SYTL4: variants seen among roughly 807,000 people sequenced by gnomAD.
SYTL4 encodes the protein synaptotagmin-like protein 4.
A neutral mutation model predicts 52.7 loss-of-function variants in SYTL4; 16 were observed. The observed-to-expected ratio is 0.30, with a 90% confidence interval of 0.21 to 0.46. The LOEUF is 0.46. Ranked by LOEUF, SYTL4 falls within the 20% of genes least tolerant of loss-of-function variation. The pLI is 1.00. For missense variants in SYTL4, 423 were observed against 519.9 expected, an observed-to-expected ratio of 0.81 and a Z score of 1.81; for synonymous variants, 160 against 186.6, an observed-to-expected ratio of 0.86 and a Z score of 1.16.
In SYTL4 at chrX:100,690,097, G is replaced by A; in HGVS notation, c.786C>T (p.Thr262=). Reference sequence around the variant, plus strand: ...TACCTGAAGGCCTGAGGATTTTTCTGGTGTTCTTCTTAAATATCATCTCAC... The same window carrying A: ...TACCTGAAGGCCTGAGGATTTTTCTAGTGTTCTTCTTAAATATCATCTCAC... ...DEGEMIFKKN[T]RKILRPSEYT... is the part of the protein sequence containing the mutation. Residue 262 remains threonine (T), a synonymous_variant, in exon 11 of 20, where the codon ACC becomes ACT. Transcript: ENST00000372989. The A allele has an allele frequency of 8.3e-7, 1 of 1,210,066 alleles. No homozygotes were observed. The highest frequency in any genetic ancestry group is 1.8e-5 in the South Asian group (1 of 56,785).
chrX:100,716,739 T>C (rs1411649981), intron 2 of SYTL4, among the ~76,000 whole-genome samples: 3 of 110,343 alleles, frequency 2.7e-5, no homozygotes, highest in African/African-American at 6.6e-5. Flanking sequence ...CTTTGGGATA[T>C]TGTGTTGGTT....
At chrX:100,710,862 A>C (rs138047123) in intron 2 of SYTL4, among the ~76,000 whole-genome samples, 2,467 of 112,073 alleles carry the variant, frequency 0.022, 79 homozygotes, top group African/African-American at 0.075. Context: ...AGAAAGAGAA[A>C]GAGATCTTCA....
chrX:100,679,791 C>T lies in SYTL4; in HGVS notation c.1559-379G>A, dbSNP rs60707135. On this transcript the variant is annotated intron_variant, in intron 17 of 19. Transcript: ENST00000372989. ...ATGATTTAAAAAAGAGGGAACTCCT[C>T]CATCTGAGTTCTCGATTCCACCCCT... Among the ~76,000 whole-genome samples, 1,104 of 111,625 alleles carry T rather than the reference C, an allele frequency of 9.9e-3. 13 individuals carry two copies. Among genetic ancestry groups the T allele is most frequent in the African/African-American group, 0.034 (1,051 of 30,725 alleles).
chrX:100,713,533 T>G (rs1393899429), intron 2 of SYTL4, among the ~76,000 whole-genome samples: 2 of 110,586 alleles, frequency 1.8e-5, no homozygotes, highest in Admixed American at 9.6e-5. Flanking sequence ...GGAGAATCGC[T>G]TGAACCTGGG....
intron 2 of SYTL4, among the ~76,000 whole-genome samples, chrX:100,730,148 G>A (rs1464952257): frequency 1.8e-5 from 2 of 110,725 alleles, no homozygotes; most frequent in Non-Finnish European, 3.8e-5. Flanking sequence ...CCTAACTTCA[G>A]GACAATTACC....
intron 2 of SYTL4, among the ~76,000 whole-genome samples, chrX:100,726,015 T>C (rs1395691300): frequency 9.1e-6 from 1 of 110,289 alleles, no homozygotes; most frequent in Non-Finnish European, 1.9e-5. Context: ...CAGATATGAA[T>C]ATGAAAGCCA....
Position 100,695,948 on chromosome X carries a change from A to T in SYTL4, c.540-4739T>A, listed in dbSNP as rs146671007. Among the ~76,000 whole-genome samples the T allele has an allele frequency of 8.9e-3, 991 of 111,424 alleles. 5 individuals are homozygous for T. Among genetic ancestry groups the T allele is most frequent in the Non-Finnish European group, 0.016 (827 of 53,040 alleles). ...ATACAAACAGAACCATACAGTATGT[A>T]CTCTTTACTGCTTGGCTTCTTTCAC... On this transcript the variant is annotated intron_variant, in intron 8 of 19. Transcript: ENST00000372989.
chrX:100,728,917 GT>G (rs767171602), intron 2 of SYTL4, among the ~76,000 whole-genome samples: 11 of 109,819 alleles, frequency 1.0e-4, no homozygotes, highest in Non-Finnish European at 1.9e-4. Context: ...GGCGCCTGTA[GT>G]TCCAGCTACT....
intron 2 of SYTL4, among the ~76,000 whole-genome samples, chrX:100,726,011 T>C (rs1052296517): frequency 9.1e-6 from 1 of 110,419 alleles, no homozygotes; most frequent in African/African-American, 3.3e-5. Flanking sequence ...GTCACAGATA[T>C]GAATATGAAA....
intron 13 of SYTL4, 146 bp downstream of exon 13, chrX:100,688,205 T>C: frequency 6.3e-6 from 3 of 477,736 alleles, no homozygotes; most frequent in Non-Finnish European, 1.1e-5. Context: ...TAGTCTAAAT[T>C]GAGGATAGGA....
chrX:100,687,055 A>T lies in SYTL4; in HGVS notation c.1184+12T>A, dbSNP rs759284104. On this transcript the variant is annotated intron_variant, in intron 14 of 19. Coordinates refer to ENST00000372989, the MANE Select transcript of SYTL4 (RefSeq NM_001370165.1). ...GGTCTCAGAGCATCAGTCAGGTTCC[A>T]GAAGCACTCACGGGTTAGAGCGCTT... is the stretch of plus-strand genomic sequence containing the variant. The T allele has an allele frequency of 4.1e-6, 5 of 1,205,935 alleles. No homozygotes were observed. In the East Asian group the frequency reaches 1.5e-4, roughly 36 times the overall value.
intron 2 of SYTL4, among the ~76,000 whole-genome samples, chrX:100,714,138 T>TTG (rs1467591247): frequency 1.5e-4 from 17 of 112,259 alleles, no homozygotes; most frequent in African/African-American, 4.9e-4. Flanking sequence ...TAAAATGTTT[T>TTG]TAAACATTTT....
intron 2 of SYTL4, among the ~76,000 whole-genome samples, chrX:100,716,230 A>T (rs2084206080): frequency 9.3e-6 from 1 of 107,545 alleles, no homozygotes; most frequent in African/African-American, 3.4e-5. Flanking sequence ...CGGGCGGATC[A>T]CCTGAGGTTG....
chrX:100,684,640 C>T (rs2035028357), intron 16 of SYTL4: 2 of 108,916 alleles, frequency 1.8e-5, no homozygotes, highest in African/African-American at 6.7e-5. Context: ...GAAAAAAATA[C>T]ATATAAATAC....
rs371807977 is a variant in SYTL4 at position 100,709,574 on chromosome X, C to G, written c.-239-4688G>C. Among the ~76,000 whole-genome samples, 11 of 112,122 alleles carry G rather than the reference C, an allele frequency of 9.8e-5. No individual in the cohort carries two copies. The South Asian group carries it at 1.9e-3, about 19-fold the overall frequency. ...ACTTGAATCCCAACTTCCACATTTACTAGCTGTGTGACCTTGGGTAAGTTA... is the reference window on the plus strand; with the variant it reads ...ACTTGAATCCCAACTTCCACATTTAGTAGCTGTGTGACCTTGGGTAAGTTA... On this transcript the variant is annotated intron_variant, in intron 2 of 19. Coordinates refer to ENST00000372989, the MANE Select transcript of SYTL4 (RefSeq NM_001370165.1).
At chrX:100,727,238 A>G (rs886201688) in intron 2 of SYTL4, among the ~76,000 whole-genome samples, 2 of 112,637 alleles carry the variant, frequency 1.8e-5, no homozygotes, top group Non-Finnish European at 3.7e-5. Flanking sequence ...GGTAAATATA[A>G]CTAATAAATA....
intron 8 of SYTL4, among the ~76,000 whole-genome samples, chrX:100,696,010 C>T (rs982310643): frequency 1.8e-5 from 2 of 111,755 alleles, no homozygotes; most frequent in East Asian, 2.8e-4. Context: ...CATGTTATTG[C>T]GTGTATCAAT....
At chrX:100,719,610 A>C (rs1467936187) in intron 2 of SYTL4, among the ~76,000 whole-genome samples, 1 of 108,635 alleles carries the variant, frequency 9.2e-6, no homozygotes, top group African/African-American at 3.4e-5. Context: ...CATTATACAC[A>C]AGACAATAAC....
At chrX:100,723,651 C>A (rs1258873033) in intron 2 of SYTL4, among the ~76,000 whole-genome samples, 6 of 110,434 alleles carry the variant, frequency 5.4e-5, no homozygotes, top group African/African-American at 9.9e-5. Flanking sequence ...GCGTCTCTGC[C>A]CGGCCGCCCA....
Sources: gnomAD v4.1 joint callset for allele counts (sites outside exome capture counted in the v4.1 genomes callset) on GRCh38, gnomAD v4.1.1 for gene constraint, MANE v1.5 for transcripts, NCBI Gene and HGNC (gene_info 2026-07-23, HGNC 2026-07-21) for gene names.